COPS3: variants seen among roughly 807,000 people sequenced by gnomAD.
The protein encoded by COPS3 is COP9 signalosome subunit 3, also known as COP9 signalosome complex subunit 3.
Under a neutral mutation model 58.2 loss-of-function variants are expected in COPS3, and 10 were observed. The ratio of observed to expected loss-of-function variants is 0.17; its 90% CI spans 0.11 to 0.29. The LOEUF (loss-of-function observed/expected upper bound fraction) is 0.29. Ranked by LOEUF, COPS3 falls within the 10% of genes least tolerant of loss-of-function variation. COPS3 has a pLI of 1.00. For synonymous variants in COPS3, 187 were observed against 181.7 expected (o/e 1.03, Z -0.24); for missense variants, 333 against 510.1 (o/e 0.65, Z 3.34).
At chr17:17,259,287 A>G (rs1051763514) in intron 8 of COPS3, among the ~76,000 whole-genome samples, 3 of 152,164 alleles carry the variant, frequency 2.0e-5, no homozygotes, top group African/African-American at 4.8e-5. Context: ...CAGACTTCCC[A>G]AGAGAAAAAA....
chr17:17,251,699 G>A (rs905572574), intron 9 of COPS3, among the ~76,000 whole-genome samples: 2 of 152,154 alleles, frequency 1.3e-5, no homozygotes, highest in Non-Finnish European at 2.9e-5. Flanking sequence ...TCACAATGCT[G>A]AGCCAAAAAA....
chr17:17,280,798 G>A (rs1346286896), intron 1 of COPS3: 2 of 1,263,130 alleles, frequency 1.6e-6, no homozygotes, highest in Non-Finnish European at 1.0e-6. Context: ...GAGACAGAAG[G>A]AACCAATAGT....
intron 1 of COPS3, among the ~76,000 whole-genome samples, chr17:17,280,370 T>C (rs1414800351): frequency 2.1e-5 from 3 of 145,200 alleles, no homozygotes; most frequent in Non-Finnish European, 4.5e-5. Flanking sequence ...GCCACTGCAC[T>C]CCAGCCTGGG....
intron 1 of COPS3, among the ~76,000 whole-genome samples, chr17:17,279,267 C>T (rs1186191142): frequency 6.6e-6 from 1 of 152,170 alleles, no homozygotes; most frequent in Admixed American, 6.6e-5. Context: ...CAGACTGTTC[C>T]TATAGCATCC....
At chr17:17,261,477 G>C in intron 7 of COPS3, 1 of 262,676 alleles carries the variant, frequency 3.8e-6, no homozygotes, top group Non-Finnish European at 7.3e-6. Flanking sequence ...AGTGAGCTGA[G>C]ATCACGCCAC....
Position 17,249,054 on chromosome 17 carries a change from A to G in COPS3, c.1024-15T>C. 5 of 1,493,758 alleles carry G rather than the reference A, an allele frequency of 3.3e-6. No individual in the cohort carries two copies. The highest frequency in any genetic ancestry group is 3.7e-6 in the Non-Finnish European group (4 of 1,089,160). The allele number at this position is 1,493,758 out of a possible 1,614,324, so 92.5% of individuals were successfully genotyped here. On this transcript the variant is annotated splice_polypyrimidine_tract_variant and intron_variant, in intron 9 of 11. Coordinates refer to ENST00000268717, the MANE Select transcript of COPS3 (RefSeq NM_003653.4). ...CCATCTTCTATCTGCAGAAAGAAAA[A>G]AAAAAAAATCAGGAAAGCAGTTTAG...
At chr17:17,268,414 C>A (rs2048273948) in intron 4 of COPS3, among the ~76,000 whole-genome samples, 1 of 152,190 alleles carries the variant, frequency 6.6e-6, no homozygotes, top group Admixed American at 6.6e-5. Flanking sequence ...TAGTAAATTA[C>A]TACCAAAACT....
chr17:17,254,800 C>T (rs1244981090), intron 9 of COPS3, 59 bp downstream of exon 9: 18 of 1,040,684 alleles, frequency 1.7e-5, no homozygotes, highest in Non-Finnish European at 2.4e-5. Context: ...CAGAGCGAGA[C>T]TCCATCTCAA....
intron 5 of COPS3, among the ~76,000 whole-genome samples, chr17:17,265,675 A>G (rs1165615893): frequency 6.6e-6 from 1 of 152,220 alleles, no homozygotes; most frequent in Non-Finnish European, 1.5e-5. Context: ...CTAGGATTAC[A>G]GGCGTGAGCC....
intron 2 of COPS3, among the ~76,000 whole-genome samples, chr17:17,273,021 G>A (rs1021024978): frequency 3.0e-4 from 45 of 152,184 alleles, no homozygotes; most frequent in African/African-American, 1.4e-4. Flanking sequence ...CCTTGTAACC[G>A]TGTACTTGAC....
chr17:17,265,824 G>GA (rs774667708), intron 5 of COPS3, among the ~76,000 whole-genome samples: 1 of 152,170 alleles, frequency 6.6e-6, no homozygotes, highest in Non-Finnish European at 1.5e-5. Flanking sequence ...TGATTAGAGG[G>GA]AAAAAGAGTG....
At chr17:17,260,620 A>G in intron 7 of COPS3, 146 bp from the exon 8 acceptor site, 1 of 624,118 alleles carries the variant, frequency 1.6e-6, no homozygotes, top group Non-Finnish European at 2.8e-6. Flanking sequence ...CCTGACCAAC[A>G]TGAAGAAACC....
chr17:17,268,116 A>C, intron 4 of COPS3, 139 bp from the exon 5 acceptor site: 1 of 1,232,214 alleles, frequency 8.1e-7, no homozygotes, highest in Middle Eastern at 2.3e-4. Context: ...ATACTCTTTC[A>C]GGAAATTTCT....
At chr17:17,275,029 G>C (rs1030658233) in intron 2 of COPS3, among the ~76,000 whole-genome samples, 1 of 151,644 alleles carries the variant, frequency 6.6e-6, no homozygotes, top group African/African-American at 2.4e-5. Flanking sequence ...CCCACCTCCA[G>C]CCAGCCCATA....
intron 6 of COPS3, among the ~76,000 whole-genome samples, chr17:17,263,553 G>A (rs2048157425): frequency 9.3e-6 from 1 of 107,272 alleles, no homozygotes; most frequent in African/African-American, 3.7e-5. Flanking sequence ...TGCTCTTGTT[G>A]CCCAAGCTGG....
intron 1 of COPS3, 82 bp from the exon 2 acceptor site, chr17:17,276,246 C>G (rs2048459005): frequency 1.3e-6 from 2 of 1,564,392 alleles, no homozygotes; most frequent in Admixed American, 3.5e-5. Context: ...CTTTGTACTT[C>G]AGAGCCTGAA....
chr17:17,248,862 G>A (rs1446752051), intron 10 of COPS3, 64 bp downstream of exon 10: 1 of 1,009,236 alleles, frequency 9.9e-7, no homozygotes, highest in Non-Finnish European at 1.5e-6. Context: ...TGGAACATAG[G>A]AGCAATTTTC....
intron 7 of COPS3, 41 bp downstream of exon 7, chr17:17,261,925 A>G: frequency 6.5e-7 from 1 of 1,529,598 alleles, no homozygotes. Flanking sequence ...TATATACTCA[A>G]CATGCTCACG....
chr17:17,265,763 G>A (rs979724426), intron 5 of COPS3, among the ~76,000 whole-genome samples: 7 of 152,172 alleles, frequency 4.6e-5, no homozygotes, highest in African/African-American at 1.4e-4. Context: ...ATTGAGAATA[G>A]AGAACTCTAC....
Sources: allele counts gnomAD v4.1 joint callset (sites outside exome capture counted in the v4.1 genomes callset), GRCh38; gene constraint gnomAD v4.1.1; transcripts MANE v1.5; gene names NCBI Gene and HGNC (gene_info 2026-07-23, HGNC 2026-07-21).